M1AP: variants seen among roughly 807,000 people sequenced by gnomAD.
M1AP encodes the protein meiosis 1 associated protein.
Under a neutral mutation model 51.2 loss-of-function variants are expected in M1AP, and 39 were observed. That is an observed-to-expected ratio of 0.76 (90% CI 0.59 to 1.00). The LOEUF (loss-of-function observed/expected upper bound fraction) is 1.00. Ranked by LOEUF, M1AP falls within the 50% of genes least tolerant of loss-of-function variation. The pLI is 0.00. For missense variants in M1AP, 545 were observed against 641.2 expected, an observed-to-expected ratio of 0.85 and a Z score of 1.62; for synonymous variants, 251 against 249.2, an observed-to-expected ratio of 1.01 and a Z score of -0.07.
chr2:74,613,508 G>A (rs928066433), intron 3 of M1AP, among the ~76,000 whole-genome samples: 1 of 151,278 alleles, frequency 6.6e-6, no homozygotes, highest in Non-Finnish European at 1.5e-5. Context: ...TCCCTACTTA[G>A]GTGGGACAGG....
At chr2:74,586,968 C>T (rs1275534670) in intron 4 of M1AP, among the ~76,000 whole-genome samples, 2 of 148,462 alleles carry the variant, frequency 1.3e-5, no homozygotes, top group Non-Finnish European at 3.0e-5. Flanking sequence ...CGCCATTGCA[C>T]ACTAGCCTGG....
rs1482425902 is a variant in M1AP at position 74,643,629 on chromosome 2, C to T, written c.-52-3302G>A. 5.5e-5 allele frequency among the ~76,000 whole-genome samples: 8 copies of T among 146,772 alleles called. No homozygotes were observed. The East Asian group carries it at 5.9e-4, about 11-fold the overall frequency. On this transcript the variant is annotated intron_variant, in intron 1 of 10. Coordinates refer to ENST00000421985, the MANE Select transcript of M1AP (RefSeq NM_001321739.2). ...TTTTTGAGACAGGGTCTCGCTCCAT[C>T]GCCCAGGCTGGAGTGCAGCAGTGGC...
chr2:74,576,464 T>C lies in M1AP; in HGVS notation c.924A>G (p.Gln308=), dbSNP rs757259912. The change falls in exon 6 of 11, where the codon CAA becomes CAG. Residue 308 remains glutamine, a synonymous_variant. Coordinates refer to ENST00000421985, the MANE Select transcript of M1AP (RefSeq NM_001321739.2). ...GTTCCCTTGGACCATACTTGATCACTTGGAGCTTGTAATGAGAGGCCGATG... is the reference window on the plus strand; with the variant it reads ...GTTCCCTTGGACCATACTTGATCACCTGGAGCTTGTAATGAGAGGCCGATG... ...SQSSASHYKL[Q]VIKALKSSGL... is the part of the protein sequence containing the mutation. 1.3e-5 allele frequency: 21 copies of C among 1,613,576 alleles called. No homozygotes were observed. The highest frequency in any genetic ancestry group is 1.7e-5 in the Admixed American group (1 of 59,992).
chr2:74,637,990 C>T (rs1168783971), intron 2 of M1AP, among the ~76,000 whole-genome samples: 2 of 152,168 alleles, frequency 1.3e-5, no homozygotes, highest in Non-Finnish European at 2.9e-5. Context: ...CACTGGCACC[C>T]GCCCCTAGGT....
intron 2 of M1AP, among the ~76,000 whole-genome samples, chr2:74,626,854 T>C (rs1682427855): frequency 6.6e-6 from 1 of 152,256 alleles, no homozygotes; most frequent in Non-Finnish European, 1.5e-5. Context: ...AACTTTAAAT[T>C]GTATTCCATT....
At chr2:74,578,144 T>C (rs535491402) in intron 5 of M1AP, among the ~76,000 whole-genome samples, 100 of 152,268 alleles carry the variant, frequency 6.6e-4, no homozygotes, top group Middle Eastern at 3.4e-3. Flanking sequence ...GCTGATCCAG[T>C]TCCTAACAGG....
At chr2:74,601,565 T>G (rs945841607) in intron 4 of M1AP, among the ~76,000 whole-genome samples, 20 of 152,084 alleles carry the variant, frequency 1.3e-4, no homozygotes, top group African/African-American at 4.6e-4. Context: ...TAAAAAATTT[T>G]AAAATAGCCA....
At chr2:74,580,605 T>C (rs1679344023) in intron 5 of M1AP, among the ~76,000 whole-genome samples, 1 of 152,060 alleles carries the variant, frequency 6.6e-6, no homozygotes, top group Admixed American at 6.6e-5. Flanking sequence ...AAAGAAACAA[T>C]GGTCATAAAG....
At chr2:74,572,109 A>G (rs1358973613) in intron 7 of M1AP, among the ~76,000 whole-genome samples, 8 of 152,234 alleles carry the variant, frequency 5.3e-5, no homozygotes, top group Non-Finnish European at 8.8e-5. Context: ...GAACAGCAGT[A>G]CAAGATGAGT....
chr2:74,617,449 CT>C (rs1681731965), intron 2 of M1AP, among the ~76,000 whole-genome samples: 1 of 152,202 alleles, frequency 6.6e-6, no homozygotes, highest in Non-Finnish European at 1.5e-5. Context: ...ACTGCATGTT[CT>C]GACTTATAAG....
intron 3 of M1AP, among the ~76,000 whole-genome samples, chr2:74,612,977 G>GTT (rs113974681): frequency 1.3e-5 from 2 of 150,240 alleles, no homozygotes; most frequent in African/African-American, 4.9e-5. Context: ...TTTTTTTCCA[G>GTT]TTTTTTTTTC....
chr2:74,639,153 T>C (rs1194715251), intron 2 of M1AP, among the ~76,000 whole-genome samples: 1 of 152,218 alleles, frequency 6.6e-6, no homozygotes, highest in Non-Finnish European at 1.5e-5. Flanking sequence ...AAGTAATATA[T>C]ATTATTTTCA....
At chr2:74,647,889 C>T in intron 1 of M1AP, 3 of 424,472 alleles carry the variant, frequency 7.1e-6, no homozygotes, top group South Asian at 9.8e-5. Flanking sequence ...GGTGAAACTC[C>T]GTCTCAAAAA....
chr2:74,594,319 T>C (rs1433113001), intron 4 of M1AP, among the ~76,000 whole-genome samples: 1 of 152,030 alleles, frequency 6.6e-6, no homozygotes, highest in Non-Finnish European at 1.5e-5. Context: ...ATGACAGAGA[T>C]GTTGGATTTA....
At chr2:74,636,659 C>T (rs1683006101) in intron 2 of M1AP, among the ~76,000 whole-genome samples, 1 of 152,062 alleles carries the variant, frequency 6.6e-6, no homozygotes, top group Non-Finnish European at 1.5e-5. Flanking sequence ...TCACATTGTA[C>T]ATAGAAACTT....
chr2:74,575,566 T>C lies in M1AP; in HGVS notation c.946A>G (p.Ser316Gly). The C allele has an allele frequency of 3.1e-6, 5 of 1,614,010 alleles. No homozygotes were observed. The highest frequency in any genetic ancestry group is 4.2e-6 in the Non-Finnish European group (5 of 1,179,908). ...KLQVIKALKS[S>G]GLCESLTYGL... ...TATGTCAATGACTCGCAGAGCCCGC[T>C]AGATTTTAAAGCCCTAGGAAGAGAT... Residue 316 changes from serine (S) to glycine (G), a missense_variant, in exon 7 of 11, where the codon AGC becomes GGC. Transcript: ENST00000421985.
intron 4 of M1AP, among the ~76,000 whole-genome samples, chr2:74,604,466 G>C (rs910648327): frequency 1.3e-5 from 2 of 152,194 alleles, no homozygotes; most frequent in Non-Finnish European, 2.9e-5. Context: ...CATATAAGGA[G>C]TGCACAATCT....
chr2:74,620,744 G>A (rs544227312), intron 2 of M1AP: 34 of 213,684 alleles, frequency 1.6e-4, no homozygotes, highest in African/African-American at 2.3e-5. Flanking sequence ...TAGGTGGAGA[G>A]TTACTCTTCA....
intron 2 of M1AP, among the ~76,000 whole-genome samples, chr2:74,621,604 T>C (rs1192627272): frequency 3.3e-5 from 5 of 149,582 alleles, no homozygotes; most frequent in African/African-American, 1.2e-4. Flanking sequence ...GCTAACAAGG[T>C]GAAACCCCGT....
Sources: gnomAD v4.1 joint callset for allele counts (sites outside exome capture counted in the v4.1 genomes callset) on GRCh38, gnomAD v4.1.1 for gene constraint, MANE v1.5 for transcripts, NCBI Gene and HGNC (gene_info 2026-07-23, HGNC 2026-07-21) for gene names.